Variants in DOCK5 observed in about 807,000 individuals in gnomAD.
DOCK5 encodes the protein dedicator of cytokinesis 5, also known as dedicator of cytokinesis protein 5.
A neutral mutation model predicts 251.8 loss-of-function variants in DOCK5; 142 were observed. That is an observed-to-expected ratio of 0.56 (90% CI 0.49 to 0.65). The LOEUF is 0.65. Among genes scored for constraint, DOCK5 ranks in the 30% least tolerant of loss-of-function variants. The pLI, the probability that DOCK5 is intolerant of heterozygous loss-of-function variation, is 0.00. For missense variants in DOCK5, 2,111 were observed against 2,312.3 expected (o/e 0.91, Z 1.79); for synonymous variants, 842 against 835.5 (o/e 1.01, Z -0.13).
chr8:25,220,747 G>T (rs1386809959), intron 1 of DOCK5, among the ~76,000 whole-genome samples: 1 of 152,216 alleles, frequency 6.6e-6, no homozygotes. Context: ...TGGGATTACA[G>T]ATATCTGCCA....
At chr8:25,296,472 C>G (rs1804617147) in intron 6 of DOCK5, 41 bp from the exon 7 acceptor site, 1 of 1,586,374 alleles carries the variant, frequency 6.3e-7, no homozygotes, top group African/African-American at 1.3e-5. Context: ...AAAAGTCTGC[C>G]CCTGGTGAGG....
chr8:25,290,925 G>A (rs1586299399), intron 5 of DOCK5, among the ~76,000 whole-genome samples: 2 of 152,178 alleles, frequency 1.3e-5, no homozygotes, highest in Admixed American at 6.5e-5. Flanking sequence ...GTTGGCAGAG[G>A]GTGTAGTGTG....
At chr8:25,246,734 G>C (rs968445219) in intron 2 of DOCK5, among the ~76,000 whole-genome samples, 1 of 145,430 alleles carries the variant, frequency 6.9e-6, no homozygotes, top group Non-Finnish European at 1.5e-5. Context: ...GTGTGTGTGT[G>C]TGTGTGTGTG....
chr8:25,380,502 A>G (rs1013850596), intron 39 of DOCK5, 108 bp downstream of exon 39: 53 of 935,994 alleles, frequency 5.7e-5, no homozygotes, highest in Non-Finnish European at 8.5e-5. Flanking sequence ...TTTTTTTACA[A>G]TGGAAAAGTC....
At chr8:25,241,057 A>T (rs1328085267) in intron 1 of DOCK5, among the ~76,000 whole-genome samples, 1 of 152,200 alleles carries the variant, frequency 6.6e-6, no homozygotes, top group Admixed American at 6.5e-5. Flanking sequence ...ATGCGATTGC[A>T]TTTAAGGCCA....
In DOCK5 at chr8:25,415,217, A is replaced by G. The variant is rs1314861430; in HGVS notation, c.*3919A>G. On this transcript the variant is annotated 3_prime_UTR_variant, in exon 52 of 52. Transcript: ENST00000276440. ...ATTACCATAATTTGTGCAACATCTT[A>G]TAAACAATGTCATTTCCATAGTAGT... 1.3e-5 allele frequency: 2 copies of G among 152,208 alleles called. No individual in the cohort carries two copies. Among genetic ancestry groups the G allele is most frequent in the African/African-American group, 4.8e-5 (2 of 41,446 alleles). The allele number at this position is 152,208 out of a possible 1,614,324, so 9.4% of individuals were successfully genotyped here. A position where few individuals can be genotyped will look rare whatever the true frequency, so the allele number is the denominator to read the frequency against.
At chr8:25,383,867 A>G (rs1446402758) in intron 40 of DOCK5, among the ~76,000 whole-genome samples, 2 of 152,206 alleles carry the variant, frequency 1.3e-5, no homozygotes, top group African/African-American at 4.8e-5. Context: ...AAATAAATAA[A>G]TAAATAAACT....
At chr8:25,408,462 T>C (rs975827933) in intron 49 of DOCK5, among the ~76,000 whole-genome samples, 9 of 152,214 alleles carry the variant, frequency 5.9e-5, no homozygotes, top group Admixed American at 2.0e-4. Context: ...ATTTCTCTTC[T>C]TTAATTTTTT....
At chr8:25,342,593 C>CCTG in intron 25 of DOCK5, 86 bp downstream of exon 25, 1 of 990,668 alleles carries the variant, frequency 1.0e-6, no homozygotes, top group Non-Finnish European at 1.5e-6. Flanking sequence ...CAGAACAAGA[C>CCTG]TCCATCTCAA....
intron 48 of DOCK5, among the ~76,000 whole-genome samples, chr8:25,405,073 TTGTC>T (rs2117341921): frequency 6.6e-6 from 1 of 152,300 alleles, no homozygotes; most frequent in East Asian, 1.9e-4. Context: ...TGTTGGCCCT[TTGTC>T]TGTGAAATGA....
intron 3 of DOCK5, among the ~76,000 whole-genome samples, chr8:25,274,761 G>GT (rs1269001892): frequency 6.6e-6 from 1 of 152,028 alleles, no homozygotes; most frequent in African/African-American, 2.4e-5. Flanking sequence ...TAGTTGACCC[G>GT]TGAAAAATAT....
intron 37 of DOCK5, chr8:25,376,103 G>GGA (rs878870815): frequency 1.8e-5 from 17 of 932,784 alleles, no homozygotes; most frequent in Non-Finnish European, 2.0e-5. Flanking sequence ...TGTCTCAAAA[G>GGA]AAAAAAAAAA....
At position 25,411,278 on chromosome 8, in the gene DOCK5, T is replaced by C; in HGVS notation, c.5593T>C (p.Ser1865Pro). ...PKARKSGIPT[S>P]EPGSQ ...GGCTCGGAAGTCTGGCATCCCTACT[T>C]CCGAGCCTGGATCCCAGTAAGGATC... Residue 1865 changes from serine to proline, a missense_variant, in exon 52 of 52, where the codon TCC (serine) becomes CCC (proline). Ser to Pro is a moderately conservative substitution (Grantham distance 74, BLOSUM62 -1). Coordinates refer to ENST00000276440, the MANE Select transcript of DOCK5 (RefSeq NM_024940.8). The C allele has an allele frequency of 6.4e-7, 1 of 1,564,052 alleles. No individual in the cohort carries two copies. Among genetic ancestry groups the C allele is most frequent in the Admixed American group, 1.9e-5 (1 of 52,480 alleles).
At position 25,358,961 on chromosome 8, in the gene DOCK5, A is replaced by T; in HGVS notation, c.2851-2A>T. 3.7e-6 allele frequency: 6 copies of T among 1,613,572 alleles called. No homozygotes were observed. The highest frequency in any genetic ancestry group is 5.1e-6 in the Non-Finnish European group (6 of 1,179,526). ...GGATTTGTGCTTTCCTTTTCCTTCC[A>T]GGGGAGTTTTGTGGCTTGCATGATT... On this transcript the variant is annotated splice_acceptor_variant, in intron 27 of 51. Coordinates refer to ENST00000276440, the MANE Select transcript of DOCK5 (RefSeq NM_024940.8). LOFTEE classifies it high-confidence loss of function.
intron 4 of DOCK5, chr8:25,277,493 A>G (rs2117128202): frequency 6.6e-6 from 1 of 152,228 alleles, no homozygotes; most frequent in Admixed American, 6.5e-5. Context: ...AGACTCCCAG[A>G]TACAGCACAG....
chr8:25,320,494 T>G (rs895633208), intron 15 of DOCK5, among the ~76,000 whole-genome samples: 2 of 152,228 alleles, frequency 1.3e-5, no homozygotes, highest in Non-Finnish European at 2.9e-5. Context: ...ATGATTTGAC[T>G]GCACACCACA....
At position 25,243,659 on chromosome 8, in the gene DOCK5, A is replaced by G. The variant is rs1243504132; in HGVS notation, c.44-15A>G. 6.2e-7 allele frequency: 1 copy of G among 1,610,326 alleles called. No homozygotes were observed. The highest frequency in any genetic ancestry group is 1.7e-5 in the Admixed American group (1 of 59,684). ...ACATGCATTCTAATTTCCCTTTTTT[A>G]TTTCTCATTTCCAGCGATCTATAAC... is the stretch of plus-strand genomic sequence containing the variant. On this transcript the variant is annotated splice_polypyrimidine_tract_variant and intron_variant, in intron 1 of 51. Coordinates refer to ENST00000276440, the MANE Select transcript of DOCK5 (RefSeq NM_024940.8).
chr8:25,387,202 T>TTTTAGAG (rs775438431), intron 40 of DOCK5, among the ~76,000 whole-genome samples: 1 of 4,020 alleles, frequency 2.5e-4, no homozygotes, highest in African/African-American at 3.0e-4. Flanking sequence ...TTTTTTTTTT[T>TTTTAGAG]AAGAGGTCTC....
intron 33 of DOCK5, 29 bp from the exon 34 acceptor site, chr8:25,369,527 A>G: frequency 6.3e-7 from 1 of 1,582,994 alleles, no homozygotes; most frequent in Non-Finnish European, 8.6e-7. Context: ...ATGCAACATT[A>G]TCCTGTGAAA....
Sources: gnomAD v4.1 joint callset for allele counts (sites outside exome capture counted in the v4.1 genomes callset) on GRCh38, gnomAD v4.1.1 for gene constraint, MANE v1.5 for transcripts, NCBI Gene and HGNC (gene_info 2026-07-23, HGNC 2026-07-21) for gene names.